The following CUBN variants were observed in gnomAD, a reference collection of about 807,000 sequenced individuals.
CUBN encodes the protein cubilin, also known as 460 kDa receptor.
Under a neutral mutation model 405.3 loss-of-function variants are expected in CUBN, and 282 were observed. The observed-to-expected ratio is 0.70, with a 90% CI of 0.63 to 0.77. CUBN has a LOEUF of 0.77. CUBN is among the 30% of genes least tolerant of loss of function. The pLI is 0.00. For missense variants in CUBN, 4,514 were observed against 4,475.2 expected (o/e 1.01, Z -0.25); for synonymous variants, 1,684 against 1,617.0 (o/e 1.04, Z -0.99).
chr10:16,832,942 A>G (rs1194263819), intron 64 of CUBN, among the ~76,000 whole-genome samples: 1 of 152,174 alleles, frequency 6.6e-6, no homozygotes, highest in Non-Finnish European at 1.5e-5. Context: ...AGATGGAGCT[A>G]CATTTTACAG....
chr10:17,054,239 G>A (rs1031405365), intron 22 of CUBN, among the ~76,000 whole-genome samples: 1 of 150,306 alleles, frequency 6.7e-6, no homozygotes, highest in Non-Finnish European at 1.5e-5. Context: ...GCTGAGGCAG[G>A]AGAATCACTT....
At chr10:17,051,343 G>C (rs1324139190) in intron 22 of CUBN, among the ~76,000 whole-genome samples, 1 of 152,110 alleles carries the variant, frequency 6.6e-6, no homozygotes, top group African/African-American at 2.4e-5. Context: ...CCTGGCGACA[G>C]AGTGAGAGTC....
At position 16,912,926 on chromosome 10, in the gene CUBN, C is replaced by T. The variant is rs181351828; in HGVS notation, c.7533+885G>A. Among the ~76,000 whole-genome samples, 6 of 152,184 alleles carry T rather than the reference C, an allele frequency of 3.9e-5. No individual in the cohort carries two copies. The East Asian group carries it at 9.7e-4, about 24-fold the overall frequency. ...CCATCACATGCTGCTGTGTTGAGAACGTAGGGAGAGGAGAACGGAACCAGG... is the reference window on the plus strand; with the variant it reads ...CCATCACATGCTGCTGTGTTGAGAATGTAGGGAGAGGAGAACGGAACCAGG... On this transcript the variant is annotated intron_variant, in intron 48 of 66. Coordinates refer to ENST00000377833, the MANE Select transcript of CUBN (RefSeq NM_001081.4).
rs551594427 is a variant in CUBN at position 16,952,339 on chromosome 10, G to A, written c.4906C>T (p.Arg1636Trp). ...TTGTTTGGATAATTGGCAGGGAACC[G>A]TGGAGAGGAAACAGTATCAAATGAG... ...TSSFDTVSSP[R>W]FPANYPNNQN... is the part of the protein sequence containing the mutation. Residue 1636 changes from arginine to tryptophan, a missense_variant, in exon 33 of 67, where the codon CGG becomes TGG. Arg to Trp is a moderately radical substitution (Grantham distance 101, BLOSUM62 -3). Coordinates refer to ENST00000377833, the MANE Select transcript of CUBN (RefSeq NM_001081.4). 3.3e-5 allele frequency: 53 copies of A among 1,613,916 alleles called. No homozygotes were observed. Among genetic ancestry groups the A allele is most frequent in the East Asian group, 1.8e-4 (8 of 44,878 alleles).
intron 54 of CUBN, among the ~76,000 whole-genome samples, chr10:16,891,541 A>G (rs2669153): frequency 0.61 from 92,454 of 151,898 alleles, 29,564 homozygotes; most frequent in East Asian, 0.85. Flanking sequence ...GGAGCCACCA[A>G]GAAGATTGGT....
intron 45 of CUBN, 92 bp from the exon 46 acceptor site, chr10:16,916,122 G>T: frequency 7.7e-7 from 1 of 1,303,670 alleles, no homozygotes. Context: ...CATTTCACCA[G>T]CACATTTGAA....
chr10:16,882,990 G>A (rs770600378), intron 56 of CUBN, among the ~76,000 whole-genome samples: 22 of 151,364 alleles, frequency 1.5e-4, no homozygotes, highest in Non-Finnish European at 2.4e-4. Flanking sequence ...GTCCAGCCTG[G>A]GCAACAGAGC....
intron 4 of CUBN, among the ~76,000 whole-genome samples, chr10:17,125,198 C>G (rs1167750673): frequency 6.6e-6 from 1 of 152,016 alleles, no homozygotes; most frequent in South Asian, 2.1e-4. Flanking sequence ...TATATGTATG[C>G]ACACACATAC....
At chr10:16,860,154 A>G (rs1839974019) in intron 59 of CUBN, among the ~76,000 whole-genome samples, 1 of 152,188 alleles carries the variant, frequency 6.6e-6, no homozygotes, top group South Asian at 2.1e-4. Flanking sequence ...GGACAAACAA[A>G]ACACAAATAG....
intron 40 of CUBN, among the ~76,000 whole-genome samples, chr10:16,930,154 A>G (rs1842321245): frequency 6.6e-6 from 1 of 152,228 alleles, no homozygotes; most frequent in Non-Finnish European, 1.5e-5. Context: ...AGTAAAGGCT[A>G]GCACTAGAAG....
intron 16 of CUBN, 90 bp from the exon 17 acceptor site, chr10:17,084,551 C>A: frequency 1.1e-6 from 1 of 933,310 alleles, no homozygotes; most frequent in South Asian, 1.4e-5. Flanking sequence ...TTTACCCACA[C>A]ACACACACAC....
rs753589633 is a variant in CUBN, at chr10:16,925,701, G to T, written c.6345C>A (p.Asn2115Lys). 1 of 1,614,062 alleles carries T rather than the reference G, an allele frequency of 6.2e-7. No homozygotes were observed. The highest frequency in any genetic ancestry group is 8.5e-7 in the Non-Finnish European group (1 of 1,179,958). Residue 2115 changes from asparagine (N) to lysine (K), a missense_variant, in exon 42 of 67, where the codon AAC (asparagine) becomes AAA (lysine). By Grantham distance (94) the Asn-to-Lys change is moderately conservative. Coordinates refer to ENST00000377833, the MANE Select transcript of CUBN (RefSeq NM_001081.4). ...SPKYPETYPS[N>K]LNCSWHVLVQ... is the part of the protein sequence containing the mutation. ...CCAGGACGTGCCAAGAACAGTTGAGGTTGGATGGGTAAGTCTCTGGATACT... is the reference window on the plus strand; with the variant it reads ...CCAGGACGTGCCAAGAACAGTTGAGTTTGGATGGGTAAGTCTCTGGATACT...
At chr10:17,084,156 AG>A in intron 17 of CUBN, 114 bp downstream of exon 17, 1 of 981,032 alleles carries the variant, frequency 1.0e-6, no homozygotes, top group Non-Finnish European at 1.6e-6. Context: ...ATTTCTAACA[AG>A]CTCTCAGGTA....
intron 45 of CUBN, among the ~76,000 whole-genome samples, chr10:16,917,885 T>A (rs1841926451): frequency 6.6e-6 from 1 of 152,172 alleles, no homozygotes; most frequent in African/African-American, 2.4e-5. Context: ...ATAACTCTTA[T>A]TTAATATAAA....
In CUBN at chr10:16,853,798, G is replaced by A. The variant is rs190830448; in HGVS notation, c.9455-2355C>T. 3.0e-3 allele frequency among the ~76,000 whole-genome samples: 452 copies of A among 152,324 alleles called. 11 individuals carry two copies. Among genetic ancestry groups the A allele is most frequent in the Non-Finnish European group, 8.1e-4 (55 of 68,036 alleles). On this transcript the variant is annotated intron_variant, in intron 59 of 66. Transcript: ENST00000377833. ...GAGTTTGTGGAGTTTGAGCAGCTTT[G>A]ATTCCAGTGTGAACTGACTGTTACT... is the stretch of plus-strand genomic sequence containing the variant.
chr10:16,860,088 A>T (rs1003489874), intron 59 of CUBN, among the ~76,000 whole-genome samples: 1 of 152,158 alleles, frequency 6.6e-6, no homozygotes, highest in Admixed American at 6.5e-5. Flanking sequence ...GGGGAGTAAT[A>T]AAAAAGTGAT....
chr10:17,022,974 T>C (rs1011499753), intron 27 of CUBN, among the ~76,000 whole-genome samples: 4 of 152,238 alleles, frequency 2.6e-5, no homozygotes, highest in Non-Finnish European at 5.9e-5. Flanking sequence ...TACGGAATAC[T>C]AGGTCGCAGC....
At position 16,824,871 on chromosome 10, in the gene CUBN, G is replaced by T; in HGVS notation, c.*104C>A. On this transcript the variant is annotated 3_prime_UTR_variant, in exon 67 of 67. Coordinates refer to ENST00000377833, the MANE Select transcript of CUBN (RefSeq NM_001081.4). ...TTTGGTGAAAAACCATACAAGTTCA[G>T]CTTATTCTCTGTGGCATCAGCAGGG... 1 of 823,180 alleles carries T rather than the reference G, an allele frequency of 1.2e-6. No homozygotes were observed. Among genetic ancestry groups the T allele is most frequent in the Non-Finnish European group, 2.1e-6 (1 of 481,592 alleles). 51.0% of individuals were successfully genotyped at this position (823,180 alleles called of 1,614,324 possible). A position where few individuals can be genotyped will look rare whatever the true frequency, so the allele number is the denominator to read the frequency against.
intron 31 of CUBN, among the ~76,000 whole-genome samples, chr10:16,965,042 A>G (rs1280320126): frequency 6.6e-6 from 1 of 152,238 alleles, no homozygotes; most frequent in African/African-American, 2.4e-5. Context: ...CCCAACGGCC[A>G]GACCGTTTGG....
Sources: allele counts gnomAD v4.1 joint callset (sites outside exome capture counted in the v4.1 genomes callset), GRCh38; gene constraint gnomAD v4.1.1; transcripts MANE v1.5; gene names NCBI Gene and HGNC (gene_info 2026-07-23, HGNC 2026-07-21).